Variants in PDZRN3 observed in about 807,000 individuals in gnomAD.
PDZRN3 encodes the protein PDZ domain containing ring finger 3.
A neutral mutation model predicts 85.7 loss-of-function variants in PDZRN3; 38 were observed. The observed-to-expected ratio is 0.44, with a 90% CI of 0.34 to 0.58. The LOEUF (loss-of-function observed/expected upper bound fraction) is 0.58, where lower values mean the gene tolerates loss of function less well. PDZRN3 is among the 20% of genes least tolerant of loss of function. The pLI, the probability that PDZRN3 is intolerant of heterozygous loss-of-function variation, is 0.01. For missense variants in PDZRN3, 1,629 were observed against 1,506.4 expected, an observed-to-expected ratio of 1.08 and a Z score of -1.35; for synonymous variants, 759 against 638.0, an observed-to-expected ratio of 1.19 and a Z score of -2.86.
At chr3:73,531,534 G>C (rs1398352400) in intron 3 of PDZRN3, among the ~76,000 whole-genome samples, 3 of 152,134 alleles carry the variant, frequency 2.0e-5, no homozygotes, top group African/African-American at 7.2e-5. Context: ...GCCTGACCCA[G>C]TGTCCCAACC....
intron 3 of PDZRN3, among the ~76,000 whole-genome samples, chr3:73,412,380 C>T (rs1213857206): frequency 6.6e-6 from 1 of 152,156 alleles, no homozygotes; most frequent in Non-Finnish European, 1.5e-5. Flanking sequence ...TCTCAAGCCT[C>T]TAGTCATCAG....
chr3:73,598,229 T>C (rs1702459350), intron 3 of PDZRN3, among the ~76,000 whole-genome samples: 1 of 152,194 alleles, frequency 6.6e-6, no homozygotes, highest in Non-Finnish European at 1.5e-5. Flanking sequence ...ATGAGCATAG[T>C]TCCTTTAAGA....
Position 73,548,511 on chromosome 3 carries a change from T to G in PDZRN3, c.918+53843A>C, listed in dbSNP as rs372190356. ...ACACACCCTGGAGCTTCGACTGTCT[T>G]GCGGAGAGCTCAACCTAGTTGACTT... is the stretch of plus-strand genomic sequence containing the variant. On this transcript the variant is annotated intron_variant, in intron 3 of 9. Transcript: ENST00000263666. Among the ~76,000 whole-genome samples, 57 of 152,322 alleles carry G rather than the reference T, an allele frequency of 3.7e-4. 5 individuals are homozygous for G. Among genetic ancestry groups the G allele is most frequent in the Admixed American group, 1.9e-3 (29 of 15,298 alleles).
At chr3:73,402,171 G>A (rs1575624855) in intron 4 of PDZRN3, among the ~76,000 whole-genome samples, 1 of 152,298 alleles carries the variant, frequency 6.6e-6, no homozygotes, top group Middle Eastern at 3.4e-3. Context: ...CATTTCTCAA[G>A]TCGCCCCCAG....
chr3:73,433,878 C>T (rs1019659295), intron 3 of PDZRN3: 5 of 1,432,750 alleles, frequency 3.5e-6, no homozygotes, highest in African/African-American at 1.4e-5. Flanking sequence ...TCTCTCCCCC[C>T]TTCCACGCTT....
At chr3:73,566,313 T>C (rs1701949633) in intron 3 of PDZRN3, among the ~76,000 whole-genome samples, 1 of 152,166 alleles carries the variant, frequency 6.6e-6, no homozygotes, top group Non-Finnish European at 1.5e-5. Context: ...TAAAATGGAA[T>C]TATAACATTT....
intron 5 of PDZRN3, among the ~76,000 whole-genome samples, chr3:73,392,113 C>A (rs1312318476): frequency 6.6e-6 from 1 of 152,204 alleles, no homozygotes; most frequent in Non-Finnish European, 1.5e-5. Flanking sequence ...TTGGAAGATA[C>A]TTCTTGAACT....
intron 3 of PDZRN3, among the ~76,000 whole-genome samples, chr3:73,562,676 G>A (rs1173810966): frequency 6.6e-6 from 1 of 151,880 alleles, no homozygotes; most frequent in Non-Finnish European, 1.5e-5. Context: ...GGGTACAATG[G>A]ATTCACCCCC....
At chr3:73,539,301 G>C (rs1030076822) in intron 3 of PDZRN3, among the ~76,000 whole-genome samples, 4 of 152,154 alleles carry the variant, frequency 2.6e-5, no homozygotes, top group Non-Finnish European at 2.9e-5. Flanking sequence ...TTCAATCAAG[G>C]GATGTTTTGG....
At chr3:73,496,810 C>T (rs1300285616) in intron 3 of PDZRN3, among the ~76,000 whole-genome samples, 1 of 152,110 alleles carries the variant, frequency 6.6e-6, no homozygotes, top group Non-Finnish European at 1.5e-5. Context: ...AATTAGCAAA[C>T]AATTGTAAGT....
chr3:73,522,375 C>T (rs1704388632), intron 3 of PDZRN3, among the ~76,000 whole-genome samples: 1 of 152,200 alleles, frequency 6.6e-6, no homozygotes, highest in South Asian at 2.1e-4. Context: ...TTTTAACTTA[C>T]CTTGGGGCCA....
chr3:73,539,638 A>G (rs1243499054), intron 3 of PDZRN3, among the ~76,000 whole-genome samples: 1 of 152,150 alleles, frequency 6.6e-6, no homozygotes, highest in Non-Finnish European at 1.5e-5. Flanking sequence ...ACCAACTGCA[A>G]GATGAACAAT....
In PDZRN3 at chr3:73,582,452, A is replaced by G. The variant is rs1043541470; in HGVS notation, c.918+19902T>C. 5.3e-5 allele frequency among the ~76,000 whole-genome samples: 8 copies of G among 152,168 alleles called. No individual in the cohort carries two copies. The South Asian group carries it at 1.7e-3, about 32-fold the overall frequency. Reference sequence around the variant, plus strand: ...AACTTGCTGTGTACAAATTCTCAATACTTCCTATACCTATACTAACAAAAA... The same window carrying G: ...AACTTGCTGTGTACAAATTCTCAATGCTTCCTATACCTATACTAACAAAAA... On this transcript the variant is annotated intron_variant, in intron 3 of 9. Transcript: ENST00000263666.
chr3:73,600,516 T>C (rs1004267486), intron 3 of PDZRN3, among the ~76,000 whole-genome samples: 7 of 152,200 alleles, frequency 4.6e-5, no homozygotes, highest in Admixed American at 2.0e-4. Context: ...ATTGCAATTA[T>C]ACATATATCG....
chr3:73,624,881 C>T lies in PDZRN3; in HGVS notation c.-56G>A. Reference sequence around the variant, plus strand: ...GGCGGCCGGGCGCCCCCTCCCTCCCCACGAGGCGGCCCAGACAGGCCGGCT... The same window carrying T: ...GGCGGCCGGGCGCCCCCTCCCTCCCTACGAGGCGGCCCAGACAGGCCGGCT... On this transcript the variant is annotated 5_prime_UTR_variant, in exon 1 of 10. Coordinates refer to ENST00000263666, the MANE Select transcript of PDZRN3 (RefSeq NM_015009.3). 3.2e-6 allele frequency: 4 copies of T among 1,254,954 alleles called. No individual in the cohort carries two copies. The highest frequency in any genetic ancestry group is 4.0e-6 in the Non-Finnish European group (4 of 998,738). The allele number at this position is 1,254,954 out of a possible 1,614,324, so 77.7% of individuals were successfully genotyped here.
intron 3 of PDZRN3, among the ~76,000 whole-genome samples, chr3:73,532,033 G>A (rs924781918): frequency 9.9e-5 from 15 of 152,166 alleles, no homozygotes; most frequent in African/African-American, 2.6e-4. Context: ...ACGGAGTCTC[G>A]CTCTGTCGCC....
intron 3 of PDZRN3, among the ~76,000 whole-genome samples, chr3:73,580,533 C>T (rs577877417): frequency 2.0e-5 from 3 of 152,340 alleles, no homozygotes; most frequent in South Asian, 4.1e-4. Context: ...TTACTCACCA[C>T]TGACTCAAAG....
intron 3 of PDZRN3, among the ~76,000 whole-genome samples, chr3:73,475,259 A>T (rs1575678539): frequency 6.6e-6 from 1 of 152,214 alleles, no homozygotes; most frequent in South Asian, 2.1e-4. Flanking sequence ...TCATACCCTA[A>T]TCACATCCTT....
At chr3:73,617,544 G>A (rs1036081508) in intron 1 of PDZRN3, among the ~76,000 whole-genome samples, 2 of 152,132 alleles carry the variant, frequency 1.3e-5, no homozygotes, top group African/African-American at 4.8e-5. Context: ...CTACCACAGG[G>A]CCTGGCACTA....
Sources: gnomAD v4.1 joint callset for allele counts (sites outside exome capture counted in the v4.1 genomes callset) on GRCh38, gnomAD v4.1.1 for gene constraint, MANE v1.5 for transcripts, NCBI Gene and HGNC (gene_info 2026-07-23, HGNC 2026-07-21) for gene names.